Variants in EIF4E3 observed in about 807,000 individuals in gnomAD.
EIF4E3 encodes the protein eukaryotic translation initiation factor 4E type 3.
A neutral mutation model predicts 31.7 loss-of-function variants in EIF4E3; 26 were observed. The observed-to-expected ratio is 0.82, with a 90% CI of 0.60 to 1.14. The LOEUF (loss-of-function observed/expected upper bound fraction) is 1.14. Among genes scored for constraint, EIF4E3 ranks in the 50% most tolerant of loss-of-function variants. The pLI is 0.00. For missense variants in EIF4E3, 304 were observed against 270.9 expected, an observed-to-expected ratio of 1.12 and a Z score of -0.86; for synonymous variants, 128 against 107.7, an observed-to-expected ratio of 1.19 and a Z score of -1.17.
upstream of EIF4E3, chr3:71,753,680 A>AGCGGCGGCGGCGGCGGCAGCGGCGGCG (rs914569552): frequency 6.9e-6 from 1 of 145,306 alleles, no homozygotes; most frequent in African/African-American, 2.6e-5. Flanking sequence ...CAGCGGCGGC[A>AGCGGCGGCGGCGGCGGCAGCGGCGGCG]GCGGCGGCGG....
downstream of EIF4E3, among the ~76,000 whole-genome samples, chr3:71,671,570 T>C (rs2048847869): frequency 1.3e-5 from 2 of 152,184 alleles, no homozygotes; most frequent in Admixed American, 1.3e-4. Context: ...ATCTTCAAAC[T>C]GAGTGTCAGA....
chr3:71,666,052 A>C, the EIF4E3 span, among the ~76,000 whole-genome samples: 1 of 152,214 alleles, frequency 6.6e-6, no homozygotes, highest in Non-Finnish European at 1.5e-5. Flanking sequence ...AAGCAAGAGC[A>C]AACAAATTCA....
intron 6 of EIF4E3, among the ~76,000 whole-genome samples, chr3:71,688,272 C>A (rs1204106878): frequency 1.3e-5 from 2 of 152,130 alleles, no homozygotes; most frequent in Non-Finnish European, 2.9e-5. Context: ...ACAATCTTAT[C>A]TGATTATTGC....
At position 71,676,078 on chromosome 3, in the gene EIF4E3, G is replaced by A. The variant is rs1578323113; in HGVS notation, c.*8604C>T. On this transcript the variant is annotated 3_prime_UTR_variant, in exon 7 of 7. Coordinates refer to ENST00000425534, the MANE Select transcript of EIF4E3 (RefSeq NM_001134651.2). The stretch of plus-strand genomic sequence containing the variant: ...TTGTTATTGTGGATATTATAGCTAT[G>A]GACAGAGCCACACACTACAGCAAAA... 1 of 152,182 alleles carries A rather than the reference G, an allele frequency of 6.6e-6. No individual in the cohort carries two copies. The highest frequency in any genetic ancestry group is 1.5e-5 in the Non-Finnish European group (1 of 68,036). 9.4% of individuals were successfully genotyped at this position (152,182 alleles called of 1,614,324 possible). A position where few individuals can be genotyped will look rare whatever the true frequency, so the allele number is the denominator to read the frequency against.
At chr3:71,706,167 T>C (rs577744323) in intron 2 of EIF4E3, among the ~76,000 whole-genome samples, 4 of 152,296 alleles carry the variant, frequency 2.6e-5, no homozygotes, top group Non-Finnish European at 5.9e-5. Flanking sequence ...CCCAGGTCCT[T>C]TGGAGGCTGA....
At chr3:71,707,723 G>A (rs888915267) in intron 2 of EIF4E3, among the ~76,000 whole-genome samples, 3 of 151,930 alleles carry the variant, frequency 2.0e-5, no homozygotes, top group Non-Finnish European at 4.4e-5. Context: ...TGCTTTGTAC[G>A]TAAAAAGAAT....
At chr3:71,697,508 C>T (rs1341677409) in intron 3 of EIF4E3, among the ~76,000 whole-genome samples, 1 of 152,074 alleles carries the variant, frequency 6.6e-6, no homozygotes, top group Non-Finnish European at 1.5e-5. Context: ...TGCTCCAAGA[C>T]CTCATTCATT....
At chr3:71,753,972 GCTC>G, upstream of EIF4E3, 2 of 1,039,596 alleles carry the variant, frequency 1.9e-6, no homozygotes, top group Non-Finnish European at 2.3e-6. Context: ...GAGCGGCGGA[GCTC>G]GGGCCGGGCG....
In EIF4E3 at chr3:71,692,103, G is replaced by C. The variant is rs113183878; in HGVS notation, c.472+1772C>G. Among the ~76,000 whole-genome samples, 430 of 152,164 alleles carry C rather than the reference G, an allele frequency of 2.8e-3. 3 individuals are homozygous for C. The highest frequency in any genetic ancestry group is 9.8e-3 in the African/African-American group (407 of 41,514). The stretch of plus-strand genomic sequence containing the variant: ...AGCACAGCACTTTCACAAATGGCTC[G>C]GTAAAAAAAGGCTGCAACTCTTATC... On this transcript the variant is annotated intron_variant, in intron 5 of 6. Coordinates refer to ENST00000425534, the MANE Select transcript of EIF4E3 (RefSeq NM_001134651.2).
intron 1 of EIF4E3, among the ~76,000 whole-genome samples, chr3:71,715,231 T>A (rs546311263): frequency 6.6e-6 from 1 of 152,338 alleles, no homozygotes; most frequent in South Asian, 2.1e-4. Context: ...CTGGCCAGAA[T>A]GTCCATGGTG....
the EIF4E3 span, among the ~76,000 whole-genome samples, chr3:71,664,388 AT>A: frequency 5.3e-4 from 78 of 148,556 alleles, no homozygotes; most frequent in African/African-American, 1.6e-3. Flanking sequence ...CAATGCCTCC[AT>A]TTTTTTTTGG....
rs1160461811 is a variant in EIF4E3 at position 71,678,710 on chromosome 3, C to T, written c.*5972G>A. 6.6e-6 allele frequency: 1 copy of T among 152,150 alleles called. No individual in the cohort carries two copies. The highest frequency in any genetic ancestry group is 2.4e-5 in the African/African-American group (1 of 41,394). The allele number at this position is 152,150 out of a possible 1,614,324, so 9.4% of individuals were successfully genotyped here. The stretch of plus-strand genomic sequence containing the variant: ...AGATGTGAAAGGGTCCCCAACTGCA[C>T]AGGGCACAGATGGTATAAAATAGGG... On this transcript the variant is annotated 3_prime_UTR_variant, in exon 7 of 7. Transcript: ENST00000425534.
At chr3:71,754,715 C>T, upstream of EIF4E3, 1 of 1,480,556 alleles carries the variant, frequency 6.8e-7, no homozygotes, top group Non-Finnish European at 8.9e-7. The surrounding 1 kb of genome is among the most constrained non-coding windows in gnomAD (Gnocchi z 5.8). Context: ...TGGTGCCCGC[C>T]GTCAGCCACG....
At chr3:71,703,955 A>C (rs1349029) in intron 2 of EIF4E3, among the ~76,000 whole-genome samples, 55,864 of 152,110 alleles carry the variant, frequency 0.37, 11,098 homozygotes, top group African/African-American at 0.52. Flanking sequence ...CCAACTGAAT[A>C]AGTGGTATTT....
chr3:71,734,443 G>A (rs931831258), intron 1 of EIF4E3, among the ~76,000 whole-genome samples: 11 of 151,922 alleles, frequency 7.2e-5, no homozygotes, highest in African/African-American at 2.7e-4. Context: ...AATGCCTAAG[G>A]GTCATGTCTG....
upstream of EIF4E3, chr3:71,725,481 T>G: frequency 1.9e-5 from 10 of 534,072 alleles, no homozygotes; most frequent in African/African-American, 2.7e-5. The surrounding 1 kb of genome is among the most constrained non-coding windows in gnomAD (Gnocchi z 6.1). Context: ...CGCCCCGGGC[T>G]AGCCGCCCGC....
chr3:71,746,830 A>G (rs2049878375), intron 1 of EIF4E3, among the ~76,000 whole-genome samples: 1 of 152,132 alleles, frequency 6.6e-6, no homozygotes, highest in Non-Finnish European at 1.5e-5. Flanking sequence ...CCAACTTTCT[A>G]TCACTATGGA....
chr3:71,667,378 C>T, the EIF4E3 span, among the ~76,000 whole-genome samples: 1 of 152,158 alleles, frequency 6.6e-6, no homozygotes, highest in South Asian at 2.1e-4. Flanking sequence ...TCCTATTCAA[C>T]ATAGTATTGG....
At chr3:71,722,098 G>T (rs1374432031) in intron 1 of EIF4E3, among the ~76,000 whole-genome samples, 4 of 151,870 alleles carry the variant, frequency 2.6e-5, no homozygotes, top group East Asian at 3.9e-4. Flanking sequence ...TTCCTCGGGG[G>T]GGCGGGGGTG....
Sources: allele counts gnomAD v4.1 joint callset (sites outside exome capture counted in the v4.1 genomes callset), GRCh38; gene constraint gnomAD v4.1.1; non-coding constraint Gnocchi (gnomAD v3.1); transcripts MANE v1.5; gene names NCBI Gene and HGNC (gene_info 2026-07-23, HGNC 2026-07-21).